The following INHBB variants were observed in gnomAD, a reference collection of about 807,000 sequenced individuals.
INHBB encodes inhibin subunit beta B, also known as inhibin beta B chain.
INHBB carries 8 observed loss-of-function variants against 28.9 expected under a neutral mutation model. That is an observed-to-expected ratio of 0.28 (90% CI 0.16 to 0.50). INHBB has a LOEUF of 0.50. Ranked by LOEUF, INHBB falls within the 20% of genes least tolerant of loss-of-function variation. INHBB has a pLI of 0.98. For synonymous variants in INHBB, 293 were observed against 262.7 expected (o/e 1.12, Z -1.12); for missense variants, 499 against 597.8 (o/e 0.83, Z 1.72).
chr2:120,346,184 G>A lies in INHBB; in HGVS notation c.-5G>A. ...GGCGGGCGCCCTCGTCGCCAGCGGC[G>A]CACCATGGACGGGCTGCCCGGTCGG... On this transcript the variant is annotated 5_prime_UTR_variant, in exon 1 of 2. Coordinates refer to ENST00000295228, the MANE Select transcript of INHBB (RefSeq NM_002193.4). 1 of 1,174,780 alleles carries A rather than the reference G, an allele frequency of 8.5e-7. No individual in the cohort carries two copies. Among genetic ancestry groups the A allele is most frequent in the East Asian group, 3.8e-5 (1 of 26,272 alleles). The allele number at this position is 1,174,780 out of a possible 1,614,324, so 72.8% of individuals were successfully genotyped here. A position where few individuals can be genotyped will look rare whatever the true frequency, so the allele number is the denominator to read the frequency against.
At position 120,350,724 on chromosome 2, in the gene INHBB, C is replaced by G. The variant is rs939085816; in HGVS notation, c.*850C>G. On this transcript the variant is annotated 3_prime_UTR_variant, in exon 2 of 2. Transcript: ENST00000295228. Reference sequence around the variant, plus strand: ...TATAACTGAAAAAGGACTTTTCTACCAGGTATGACCTTTTAAGTGAAAATC... The same window carrying G: ...TATAACTGAAAAAGGACTTTTCTACGAGGTATGACCTTTTAAGTGAAAATC... 40 of 152,218 alleles carry G rather than the reference C, an allele frequency of 2.6e-4. 1 individual carries two copies. The highest frequency in any genetic ancestry group is 1.5e-5 in the Non-Finnish European group (1 of 68,042). 9.4% of individuals were successfully genotyped at this position (152,218 alleles called of 1,614,324 possible).
chr2:120,349,893 C>A lies in INHBB; in HGVS notation c.*19C>A. ...CGCCTGACAGTGCAAGGCAGGGGCA[C>A]GGTGGTGGGGCACGGAGGGCAGTCC... On this transcript the variant is annotated 3_prime_UTR_variant, in exon 2 of 2. Coordinates refer to ENST00000295228, the MANE Select transcript of INHBB (RefSeq NM_002193.4). This position sits in a 1 kb window ranked among gnomAD's most constrained non-coding sequence, Gnocchi z 5.6. The A allele has an allele frequency of 1.3e-6, 2 of 1,593,786 alleles. No homozygotes were observed. The highest frequency in any genetic ancestry group is 1.7e-6 in the Non-Finnish European group (2 of 1,167,564).
intron 1 of INHBB, among the ~76,000 whole-genome samples, chr2:120,347,673 G>T (rs955419599): frequency 1.3e-5 from 2 of 152,190 alleles, no homozygotes; most frequent in African/African-American, 4.8e-5. Context: ...GGGAGCCTCG[G>T]TGGGGGGAGC....
chr2:120,351,493 G>T lies in INHBB; in HGVS notation c.*1619G>T, dbSNP rs1691257959. 1 of 152,110 alleles carries T rather than the reference G, an allele frequency of 6.6e-6. No individual in the cohort carries two copies. The highest frequency in any genetic ancestry group is 1.5e-5 in the Non-Finnish European group (1 of 68,036). 9.4% of individuals were successfully genotyped at this position (152,110 alleles called of 1,614,324 possible). On this transcript the variant is annotated 3_prime_UTR_variant, in exon 2 of 2. Transcript: ENST00000295228. ...CAGTTTTAATTTTATTAGACGGTGA[G>T]GCCATCTGAGATGAGGTGGACGTTC...
rs571184446 is a variant in INHBB, at chr2:120,349,169, G to T, written c.519G>T (p.Val173=). The T allele has an allele frequency of 1.2e-6, 2 of 1,614,096 alleles. No individual in the cohort carries two copies. The highest frequency in any genetic ancestry group is 1.7e-6 in the Non-Finnish European group (2 of 1,180,024). The change falls in exon 2 of 2, where the codon GTG becomes GTT. Residue 173 remains valine, a synonymous_variant. Coordinates refer to ENST00000295228, the MANE Select transcript of INHBB (RefSeq NM_002193.4). This position sits in a 1 kb window ranked among gnomAD's most constrained non-coding sequence, Gnocchi z 5.6. ...ISNEGNQNLF[V]VQASLWLYLK... ...ACGAAGGCAACCAGAACCTGTTTGT[G>T]GTCCAGGCCAGCCTGTGGCTTTACC...
In INHBB at chr2:120,350,181, A is replaced by C; in HGVS notation, c.*307A>C. ...TACCAGCAAATGGATGCGGTGACAA[A>C]TGGCAGCTTAGCTACAAATGCCTGT... On this transcript the variant is annotated 3_prime_UTR_variant, in exon 2 of 2. Transcript: ENST00000295228. 3 of 358,536 alleles carry C rather than the reference A, an allele frequency of 8.4e-6. No homozygotes were observed. The highest frequency in any genetic ancestry group is 5.4e-5 in the East Asian group (1 of 18,350). The allele number at this position is 358,536 out of a possible 1,614,324, so 22.2% of individuals were successfully genotyped here.
At position 120,351,561 on chromosome 2, in the gene INHBB, A is replaced by G. The variant is rs923554181; in HGVS notation, c.*1687A>G. 3 of 152,166 alleles carry G rather than the reference A, an allele frequency of 2.0e-5. No homozygotes were observed. Among genetic ancestry groups the G allele is most frequent in the South Asian group, 2.1e-4 (1 of 4,822 alleles). 9.4% of individuals were successfully genotyped at this position (152,166 alleles called of 1,614,324 possible). ...GGCCTGCCAACGTTTCAGGGTATGA[A>G]TGGATTTTGTTTATTCGGTTTGATG... On this transcript the variant is annotated 3_prime_UTR_variant, in exon 2 of 2. Coordinates refer to ENST00000295228, the MANE Select transcript of INHBB (RefSeq NM_002193.4).
Position 120,346,317 on chromosome 2 carries a change from G to T in INHBB, c.129G>T (p.Pro43=), listed in dbSNP as rs764672859. Residue 43 remains proline, a synonymous_variant, in exon 1 of 2, where the codon CCG becomes CCT. Transcript: ENST00000295228. ...PPTPAAPPPP[P]PPGSPGGSQD... is the part of the protein sequence containing the mutation. The stretch of plus-strand genomic sequence containing the variant: ...CGCCTGCCGCGCCGCCGCCACCCCC[G>T]CCACCCGGATCCCCGGGTGGCTCGC... 1.4e-6 allele frequency: 2 copies of T among 1,381,466 alleles called. No individual in the cohort carries two copies. Among genetic ancestry groups the T allele is most frequent in the East Asian group, 3.1e-5 (1 of 32,552 alleles). 85.6% of individuals were successfully genotyped at this position (1,381,466 alleles called of 1,614,324 possible).
chr2:120,349,545 C>G lies in INHBB; in HGVS notation c.895C>G (p.Arg299Gly). ...IRKRGLECDG[R>G]TNLCCRQQFF... ...CAAGCGAGGCCTGGAGTGCGATGGC[C>G]GGACCAACCTCTGTTGCAGGCAACA... The change falls in exon 2 of 2, where the codon CGG becomes GGG. Residue 299 changes from arginine to glycine, a missense_variant. Around this residue, in one of 2 missense-constraint regions of INHBB, gnomAD observed 114 missense variants for 182.6 expected, o/e 0.62. Coordinates refer to ENST00000295228, the MANE Select transcript of INHBB (RefSeq NM_002193.4). The surrounding 1 kb of genome is among the most constrained non-coding windows in gnomAD (Gnocchi z 5.6). 2 of 1,614,002 alleles carry G rather than the reference C, an allele frequency of 1.2e-6. No homozygotes were observed. The highest frequency in any genetic ancestry group is 1.7e-6 in the Non-Finnish European group (2 of 1,180,034).
Position 120,349,631 on chromosome 2 carries a change from C to T in INHBB, c.981C>T (p.Tyr327=). The T allele has an allele frequency of 3.1e-6, 5 of 1,613,814 alleles. No homozygotes were observed. Among genetic ancestry groups the T allele is most frequent in the Non-Finnish European group, 4.2e-6 (5 of 1,180,032 alleles). The change falls in exon 2 of 2, where the codon TAC becomes TAT. Residue 327 remains tyrosine (Y), a synonymous_variant. Coordinates refer to ENST00000295228, the MANE Select transcript of INHBB (RefSeq NM_002193.4). The surrounding 1 kb of genome is among the most constrained non-coding windows in gnomAD (Gnocchi z 5.6). ...WNDWIIAPTG[Y]YGNYCEGSCP... is the part of the protein sequence containing the mutation. ...ACTGGATCATAGCACCCACCGGCTA[C>T]TACGGGAACTACTGTGAGGGCAGCT...
At position 120,350,565 on chromosome 2, in the gene INHBB, T is replaced by C. The variant is rs1418206269; in HGVS notation, c.*691T>C. The C allele has an allele frequency of 1.3e-5, 2 of 150,704 alleles. No homozygotes were observed. Among genetic ancestry groups the C allele is most frequent in the African/African-American group, 2.5e-5 (1 of 40,630 alleles). 9.3% of individuals were successfully genotyped at this position (150,704 alleles called of 1,614,324 possible). ...GGAGCAGGGGCAATGACCGTTTGAC[T>C]GTTTGTGGCTTGGGCCTCTGACATG... is the stretch of plus-strand genomic sequence containing the variant. On this transcript the variant is annotated 3_prime_UTR_variant, in exon 2 of 2. Transcript: ENST00000295228.
Position 120,349,261 on chromosome 2 carries a change from A to G in INHBB, c.611A>G (p.Gln204Arg). The change falls in exon 2 of 2, where the codon CAG becomes CGG. Residue 204 changes from glutamine (Q) to arginine (R), a missense_variant. Transcript: ENST00000295228. The surrounding 1 kb of genome is among the most constrained non-coding windows in gnomAD (Gnocchi z 5.6). ...RRKVRVKVYF[Q>R]EQGHGDRWNM... Reference sequence around the variant, plus strand: ...AAGGTGCGGGTCAAAGTGTACTTCCAGGAGCAGGGCCACGGTGACAGGTGG... The same window carrying G: ...AAGGTGCGGGTCAAAGTGTACTTCCGGGAGCAGGGCCACGGTGACAGGTGG... 3.7e-6 allele frequency: 6 copies of G among 1,614,182 alleles called. No individual in the cohort carries two copies. Among genetic ancestry groups the G allele is most frequent in the Middle Eastern group, 1.6e-4 (1 of 6,062 alleles).
intron 1 of INHBB, 64 bp downstream of exon 1, chr2:120,346,700 T>A: frequency 7.5e-7 from 1 of 1,340,352 alleles, no homozygotes; most frequent in Non-Finnish European, 9.6e-7. Flanking sequence ...CTCTCCTTGC[T>A]AGCTCCGGCT....
intron 1 of INHBB, among the ~76,000 whole-genome samples, chr2:120,347,015 TAGC>T (rs953260220): frequency 8.5e-5 from 13 of 152,242 alleles, no homozygotes; most frequent in African/African-American, 3.1e-4. Context: ...AGTGTAGGCT[TAGC>T]AGTGTGGATG....
chr2:120,346,219 G>T lies in INHBB; in HGVS notation c.31G>T (p.Ala11Ser). MDGLPGRALGAACLLLLAAGW... is the reference protein window; with the variant it reads MDGLPGRALGSACLLLLAAGW... ...CGGGCTGCCCGGTCGGGCGCTGGGG[G>T]CCGCCTGCCTTCTGCTGCTGGCGGC... Residue 11 changes from alanine (A) to serine (S), a missense_variant, in exon 1 of 2, where the codon GCC becomes TCC. By Grantham distance (99) the Ala-to-Ser change is moderately conservative. Transcript: ENST00000295228. 2 of 1,212,772 alleles carry T rather than the reference G, an allele frequency of 1.6e-6. No homozygotes were observed. Among genetic ancestry groups the T allele is most frequent in the African/African-American group, 1.6e-5 (1 of 63,404 alleles). 75.1% of individuals were successfully genotyped at this position (1,212,772 alleles called of 1,614,324 possible).
Position 120,346,386 on chromosome 2 carries a change from G to A in INHBB, c.198G>A (p.Glu66=), listed in dbSNP as rs373536467. 730 of 1,527,196 alleles carry A rather than the reference G, an allele frequency of 4.8e-4. 10 individuals are homozygous for A. The East Asian group carries it at 0.016, about 33-fold the overall frequency. The allele number at this position is 1,527,196 out of a possible 1,614,324, so 94.6% of individuals were successfully genotyped here. A position where few individuals can be genotyped will look rare whatever the true frequency, so the allele number is the denominator to read the frequency against. ...GCGGCGGCTTCCGGCGGCCAGAGGAGCTCGGCCGAGTGGACGGCGACTTCC... is the reference window on the plus strand; with the variant it reads ...GCGGCGGCTTCCGGCGGCCAGAGGAACTCGGCCGAGTGGACGGCGACTTCC... ...TSCGGFRRPE[E]LGRVDGDFLE... The change falls in exon 1 of 2, where the codon GAG becomes GAA. Residue 66 remains glutamate (E), a synonymous_variant. Coordinates refer to ENST00000295228, the MANE Select transcript of INHBB (RefSeq NM_002193.4).
rs17852732 is a variant in INHBB, at chr2:120,349,626, G to A, written c.976G>A (p.Gly326Ser). Residue 326 changes from glycine to serine, a missense_variant, in exon 2 of 2, where the codon GGC becomes AGC. Physicochemically the swap from Gly to Ser is moderately conservative, Grantham distance 56. Transcript: ENST00000295228. This position sits in a 1 kb window ranked among gnomAD's most constrained non-coding sequence, Gnocchi z 5.6. ...GWNDWIIAPT[G>S]YYGNYCEGSC... ...GAACGACTGGATCATAGCACCCACCGGCTACTACGGGAACTACTGTGAGGG... is the reference window on the plus strand; with the variant it reads ...GAACGACTGGATCATAGCACCCACCAGCTACTACGGGAACTACTGTGAGGG... 4 of 1,613,674 alleles carry A rather than the reference G, an allele frequency of 2.5e-6. No individual in the cohort carries two copies. The highest frequency in any genetic ancestry group is 1.7e-5 in the Admixed American group (1 of 60,014).
rs1339115755 is a variant in INHBB at position 120,349,096 on chromosome 2, C to T, written c.449-3C>T. 19 of 1,592,492 alleles carry T rather than the reference C, an allele frequency of 1.2e-5. No individual in the cohort carries two copies. The highest frequency in any genetic ancestry group is 1.6e-5 in the Non-Finnish European group (19 of 1,166,778). Reference sequence around the variant, plus strand: ...CTTGGCTCGCCCTTCCCCTTTTCCGCAGATGGCCTCGCCTCCTCCCGGGTC... The same window carrying T: ...CTTGGCTCGCCCTTCCCCTTTTCCGTAGATGGCCTCGCCTCCTCCCGGGTC... On this transcript the variant is annotated splice_region_variant and splice_polypyrimidine_tract_variant and intron_variant, in intron 1 of 1. Transcript: ENST00000295228. This position sits in a 1 kb window ranked among gnomAD's most constrained non-coding sequence, Gnocchi z 5.6.
At position 120,350,007 on chromosome 2, in the gene INHBB, G is replaced by A; in HGVS notation, c.*133G>A. On this transcript the variant is annotated 3_prime_UTR_variant, in exon 2 of 2. Coordinates refer to ENST00000295228, the MANE Select transcript of INHBB (RefSeq NM_002193.4). ...TGTTGGGCTGTGGAGATAGTGCCAG[G>A]GTGCGGCCTGAGATATTTTTCTACA... The A allele has an allele frequency of 1.1e-6, 1 of 874,514 alleles. No homozygotes were observed. The highest frequency in any genetic ancestry group is 1.7e-6 in the Non-Finnish European group (1 of 580,200). The allele number at this position is 874,514 out of a possible 1,614,324, so 54.2% of individuals were successfully genotyped here.
Sources: allele counts gnomAD v4.1 joint callset (sites outside exome capture counted in the v4.1 genomes callset), GRCh38; gene constraint gnomAD v4.1.1; regional missense constraint gnomAD v4.1.1; non-coding constraint Gnocchi (gnomAD v3.1); transcripts MANE v1.5; gene names NCBI Gene and HGNC (gene_info 2026-07-23, HGNC 2026-07-21).